Variants in CNTNAP2 observed in about 807,000 individuals in gnomAD.
CNTNAP2 encodes contactin associated protein 2.
CNTNAP2 carries 98 observed loss-of-function variants against 155.2 expected under a neutral mutation model. That is an observed-to-expected ratio of 0.63 (90% CI 0.54 to 0.75). The LOEUF (loss-of-function observed/expected upper bound fraction) is 0.75, where lower values mean the gene tolerates loss of function less well. Among genes scored for constraint, CNTNAP2 ranks in the 30% least tolerant of loss-of-function variants. The pLI is 0.00. For synonymous variants in CNTNAP2, 651 were observed against 631.2 expected, an observed-to-expected ratio of 1.03 and a Z score of -0.47; for missense variants, 1,727 against 1,688.1, an observed-to-expected ratio of 1.02 and a Z score of -0.40.
Position 147,789,071 on chromosome 7 carries a change from A to AT in CNTNAP2, c.2099-114487dup, listed in dbSNP as rs1309777226. Among the ~76,000 whole-genome samples, 12 of 151,322 alleles carry AT rather than the reference A, an allele frequency of 7.9e-5. No individual in the cohort carries two copies. In the South Asian group the frequency reaches 1.9e-3, roughly 24 times the overall value. ...AGGCATGCATCACCATGCCTGGCTA[A>AT]TTTTTTTATATTTTTAGTAGGGAAG... On this transcript the variant is annotated intron_variant, in intron 13 of 23. Transcript: ENST00000361727.
rs554740767 is a variant in CNTNAP2, at chr7:147,294,659, AT to A, written c.1349-5471del. 3.4e-3 allele frequency among the ~76,000 whole-genome samples: 504 copies of A among 147,246 alleles called. 7 individuals carry two copies. The highest frequency in any genetic ancestry group is 6.9e-3 in the South Asian group (32 of 4,630). ...TATGAGATAGTAAACTCCAAAGACA[AT>A]TTTTTTTTTTGTTTTGAGATGAAGT... On this transcript the variant is annotated intron_variant, in intron 8 of 23. Transcript: ENST00000361727.
At chr7:147,105,205 T>G (rs1800740582) in intron 4 of CNTNAP2, among the ~76,000 whole-genome samples, 2 of 152,012 alleles carry the variant, frequency 1.3e-5, no homozygotes, top group East Asian at 3.9e-4. Context: ...TATTCAAAGT[T>G]AGAAAGTGAA....
At chr7:146,936,920 G>C (rs749233335) in intron 3 of CNTNAP2, among the ~76,000 whole-genome samples, 5 of 152,064 alleles carry the variant, frequency 3.3e-5, no homozygotes, top group Non-Finnish European at 2.9e-5. Context: ...ATTCACGAAG[G>C]TTTCATTGCT....
chr7:146,817,413 A>G (rs961662709), intron 2 of CNTNAP2, among the ~76,000 whole-genome samples: 1 of 151,958 alleles, frequency 6.6e-6, no homozygotes, highest in African/African-American at 2.4e-5. Flanking sequence ...CGGAAGTTGC[A>G]GTGAGCCGAG....
chr7:147,282,383 G>T (rs1464593656), intron 8 of CNTNAP2, among the ~76,000 whole-genome samples: 1 of 151,934 alleles, frequency 6.6e-6, no homozygotes, highest in East Asian at 1.9e-4. Flanking sequence ...CTGTCATTGT[G>T]AGCCATGGTT....
At chr7:147,305,952 C>T (rs1008838183) in intron 9 of CNTNAP2, among the ~76,000 whole-genome samples, 1 of 152,126 alleles carries the variant, frequency 6.6e-6, no homozygotes, top group Admixed American at 6.6e-5. Flanking sequence ...GTCTCTGCCT[C>T]CATCTTCACA....
intron 3 of CNTNAP2, among the ~76,000 whole-genome samples, chr7:146,931,416 C>G (rs1314369286): frequency 1.3e-5 from 2 of 148,566 alleles, no homozygotes; most frequent in East Asian, 3.9e-4. Context: ...ATACCAGAAT[C>G]TCTGGGACGC....
intron 1 of CNTNAP2, among the ~76,000 whole-genome samples, chr7:146,684,173 C>A (rs765491737): frequency 3.3e-5 from 5 of 152,100 alleles, no homozygotes; most frequent in African/African-American, 4.8e-5. Context: ...TACACTGGAC[C>A]TGTTGCCCCA....
intron 1 of CNTNAP2, among the ~76,000 whole-genome samples, chr7:146,660,594 C>T (rs1800070011): frequency 6.6e-6 from 1 of 152,144 alleles, no homozygotes; most frequent in South Asian, 2.1e-4. Flanking sequence ...ACTGTTGTTA[C>T]AAAATTAAAA....
chr7:147,527,160 C>G (rs774128405), intron 11 of CNTNAP2, among the ~76,000 whole-genome samples: 2 of 151,030 alleles, frequency 1.3e-5, no homozygotes, highest in South Asian at 2.1e-4. Context: ...GTAGCTGGGA[C>G]TACAGGTGCC....
chr7:147,310,290 A>G (rs1332058071), intron 9 of CNTNAP2, among the ~76,000 whole-genome samples: 1 of 152,172 alleles, frequency 6.6e-6, no homozygotes, highest in Non-Finnish European at 1.5e-5. Flanking sequence ...AAAGAAAAAT[A>G]TCATAAAATT....
chr7:146,162,470 C>G (rs1039559759), intron 1 of CNTNAP2, among the ~76,000 whole-genome samples: 1 of 152,170 alleles, frequency 6.6e-6, no homozygotes, highest in African/African-American at 2.4e-5. Flanking sequence ...CCATCTCACA[C>G]CAGTTAGAAT....
intron 12 of CNTNAP2, among the ~76,000 whole-genome samples, chr7:147,634,457 G>C (rs547872491): frequency 6.6e-6 from 1 of 152,232 alleles, no homozygotes; most frequent in South Asian, 2.1e-4. Flanking sequence ...TGGCGGGGAA[G>C]GGATGGGGTG....
intron 12 of CNTNAP2, among the ~76,000 whole-genome samples, chr7:147,620,957 A>C (rs1319951807): frequency 6.6e-6 from 1 of 152,192 alleles, no homozygotes; most frequent in Non-Finnish European, 1.5e-5. Flanking sequence ...AAGGTCAAGG[A>C]TAAAGAAAGG....
chr7:148,072,353 T>A (rs1803396757), intron 15 of CNTNAP2, among the ~76,000 whole-genome samples: 1 of 152,194 alleles, frequency 6.6e-6, no homozygotes. Flanking sequence ...AGCCATGTGG[T>A]GTCGGTCACA....
At chr7:147,947,861 A>AT (rs1010540850) in intron 14 of CNTNAP2, among the ~76,000 whole-genome samples, 4 of 152,110 alleles carry the variant, frequency 2.6e-5, no homozygotes, top group Non-Finnish European at 2.9e-5. Flanking sequence ...CCTGGCTTTC[A>AT]TTTTTTTAAA....
chr7:147,299,168 C>T (rs1040305500), intron 8 of CNTNAP2, among the ~76,000 whole-genome samples: 12 of 151,856 alleles, frequency 7.9e-5, no homozygotes, highest in African/African-American at 2.4e-4. Flanking sequence ...TTCACAGGGT[C>T]GAAGAAAGCC....
chr7:147,976,359 C>A (rs1801425903), intron 14 of CNTNAP2, among the ~76,000 whole-genome samples: 1 of 152,196 alleles, frequency 6.6e-6, no homozygotes, highest in South Asian at 2.1e-4. Flanking sequence ...AGTTTAATAT[C>A]AAAGGCTTTG....
chr7:148,283,484 A>G (rs1210067076), intron 21 of CNTNAP2, among the ~76,000 whole-genome samples: 1 of 152,156 alleles, frequency 6.6e-6, no homozygotes, highest in East Asian at 1.9e-4. Context: ...CAAAAGTAGT[A>G]TTCTTGGTGC....
Sources: gnomAD v4.1 joint callset for allele counts (sites outside exome capture counted in the v4.1 genomes callset) on GRCh38, gnomAD v4.1.1 for gene constraint, MANE v1.5 for transcripts, NCBI Gene and HGNC (gene_info 2026-07-23, HGNC 2026-07-21) for gene names.